The following LYPLAL1 variants were observed in gnomAD, a reference collection of about 807,000 sequenced individuals.
LYPLAL1 encodes lysophospholipase like 1, also known as lysophospholipase-like protein 1.
Under a neutral mutation model 19.7 loss-of-function variants are expected in LYPLAL1, and 23 were observed. The ratio of observed to expected loss-of-function variants is 1.17; its 90% CI spans 0.84 to 1.65. The LOEUF is 1.65. Ranked by LOEUF, LYPLAL1 falls within the 40% of genes most tolerant of loss-of-function variation. The pLI, the probability that LYPLAL1 is intolerant of heterozygous loss-of-function variation, is 0.00. For synonymous variants in LYPLAL1, 119 were observed against 96.3 expected, an observed-to-expected ratio of 1.24 and a Z score of -1.38; for missense variants, 355 against 279.4, an observed-to-expected ratio of 1.27 and a Z score of -1.93.
chr1:219,342,297 G>C, the LYPLAL1 span, among the ~76,000 whole-genome samples: 2 of 152,062 alleles, frequency 1.3e-5, no homozygotes, highest in Non-Finnish European at 2.9e-5. Context: ...GCTTTAGGAG[G>C]GAGATAGAGA....
At chr1:219,306,114 T>C in the LYPLAL1 span, among the ~76,000 whole-genome samples, 1 of 152,174 alleles carries the variant, frequency 6.6e-6, no homozygotes. Context: ...AACATATAAA[T>C]ATATACATAT....
the LYPLAL1 span, among the ~76,000 whole-genome samples, chr1:219,438,116 C>T: frequency 6.6e-6 from 1 of 152,154 alleles, no homozygotes; most frequent in Non-Finnish European, 1.5e-5. Context: ...CCTCTTATAG[C>T]AAGAGGCATA....
chr1:219,256,912 T>C, the LYPLAL1 span, among the ~76,000 whole-genome samples: 5 of 152,154 alleles, frequency 3.3e-5, no homozygotes, highest in Admixed American at 2.6e-4. Flanking sequence ...AATTTCACTG[T>C]GGTCAAATAA....
chr1:219,286,232 G>A, the LYPLAL1 span, among the ~76,000 whole-genome samples: 1 of 152,056 alleles, frequency 6.6e-6, no homozygotes, highest in Non-Finnish European at 1.5e-5. Context: ...CAAACTAGGG[G>A]GTTCCTAGGG....
At chr1:219,230,227 C>T in the LYPLAL1 span, among the ~76,000 whole-genome samples, 3 of 152,176 alleles carry the variant, frequency 2.0e-5, no homozygotes, top group Non-Finnish European at 2.9e-5. Flanking sequence ...ATTTTCCTGC[C>T]TCAGCCTCCC....
At chr1:219,373,576 C>T in the LYPLAL1 span, among the ~76,000 whole-genome samples, 1 of 152,128 alleles carries the variant, frequency 6.6e-6, no homozygotes, top group East Asian at 1.9e-4. Context: ...TTTTCCTAGG[C>T]TTCTCTGCCT....
At chr1:219,245,911 CAG>C in the LYPLAL1 span, among the ~76,000 whole-genome samples, 27 of 152,202 alleles carry the variant, frequency 1.8e-4, no homozygotes, top group African/African-American at 6.3e-4. Context: ...CGATAAACAA[CAG>C]AGAGACTAAG....
the LYPLAL1 span, among the ~76,000 whole-genome samples, chr1:219,248,924 C>A: frequency 6.6e-6 from 1 of 152,018 alleles, no homozygotes; most frequent in Non-Finnish European, 1.5e-5. Context: ...CACACAAATT[C>A]ACAAACACAC....
chr1:219,277,494 A>G, the LYPLAL1 span, among the ~76,000 whole-genome samples: 1 of 152,210 alleles, frequency 6.6e-6, no homozygotes, highest in African/African-American at 2.4e-5. Context: ...TGTTCCATAC[A>G]GATGACACAA....
chr1:219,416,139 A>G, the LYPLAL1 span, among the ~76,000 whole-genome samples: 1 of 152,246 alleles, frequency 6.6e-6, no homozygotes, highest in Non-Finnish European at 1.5e-5. Context: ...GTCACAACTA[A>G]TGAACCAATA....
At chr1:219,333,397 T>C in the LYPLAL1 span, among the ~76,000 whole-genome samples, 1 of 151,924 alleles carries the variant, frequency 6.6e-6, no homozygotes, top group Non-Finnish European at 1.5e-5. Flanking sequence ...AGTTGCACAG[T>C]AGGCAGCTTG....
At chr1:219,441,066 T>C in the LYPLAL1 span, among the ~76,000 whole-genome samples, 2,253 of 152,268 alleles carry the variant, frequency 0.015, 69 homozygotes, top group African/African-American at 0.05. Flanking sequence ...AGGATCCAAT[T>C]AGCAAATTCT....
At chr1:219,302,237 C>A in the LYPLAL1 span, among the ~76,000 whole-genome samples, 3 of 152,194 alleles carry the variant, frequency 2.0e-5, no homozygotes, top group Non-Finnish European at 4.4e-5. Context: ...GTTAACTGAT[C>A]TTGCTTCTAT....
At chr1:219,184,298 G>T (rs1219219788) in intron 2 of LYPLAL1, among the ~76,000 whole-genome samples, 1 of 151,808 alleles carries the variant, frequency 6.6e-6, no homozygotes, top group East Asian at 1.9e-4. Context: ...ATTGTAAATG[G>T]AATGTTAAAA....
the LYPLAL1 span, among the ~76,000 whole-genome samples, chr1:219,306,837 TAGATAGATAGATAGACAGAC>T: frequency 1.1e-4 from 14 of 128,936 alleles, no homozygotes; most frequent in East Asian, 2.9e-3. Flanking sequence ...GATAGATAGA[TAGATAGATAGATAGACAGAC>T]AGACAGACAG....
At chr1:219,426,683 C>G in the LYPLAL1 span, among the ~76,000 whole-genome samples, 5 of 152,138 alleles carry the variant, frequency 3.3e-5, no homozygotes, top group African/African-American at 1.2e-4. Context: ...ACTGCAACCT[C>G]TGCCTCCCAG....
the LYPLAL1 span, among the ~76,000 whole-genome samples, chr1:219,251,827 A>G: frequency 6.6e-6 from 1 of 152,062 alleles, no homozygotes; most frequent in African/African-American, 2.4e-5. Flanking sequence ...TGTAGCTGAT[A>G]GTTTGATAGG....
At chr1:219,328,134 G>T in the LYPLAL1 span, among the ~76,000 whole-genome samples, 1 of 152,024 alleles carries the variant, frequency 6.6e-6, no homozygotes, top group African/African-American at 2.4e-5. Flanking sequence ...AACTTTTTCT[G>T]TATATTTCCT....
At chr1:219,275,128 G>T in the LYPLAL1 span, among the ~76,000 whole-genome samples, 4 of 152,078 alleles carry the variant, frequency 2.6e-5, no homozygotes, top group Non-Finnish European at 4.4e-5. Context: ...CTCCTCCCCA[G>T]CCTCCATCCA....
Sources: allele counts gnomAD v4.1 joint callset (sites outside exome capture counted in the v4.1 genomes callset), GRCh38; gene constraint gnomAD v4.1.1; transcripts MANE v1.5; gene names NCBI Gene and HGNC (gene_info 2026-07-23, HGNC 2026-07-21).